The following PALLD variants were observed in gnomAD, a reference collection of about 807,000 sequenced individuals.
The protein encoded by PALLD is palladin, cytoskeletal associated protein.
A neutral mutation model predicts 123.5 loss-of-function variants in PALLD; 61 were observed. That is an observed-to-expected ratio of 0.49 (90% CI 0.40 to 0.61). The LOEUF is 0.61. PALLD is among the 20% of genes least tolerant of loss of function. The pLI, the probability that PALLD is intolerant of heterozygous loss-of-function variation, is 0.00. For missense variants in PALLD, 1,273 were observed against 1,377.0 expected (o/e 0.92, Z 1.20); for synonymous variants, 465 against 496.4 (o/e 0.94, Z 0.84).
At chr4:168,841,616 A>T (rs1470505549) in intron 10 of PALLD, among the ~76,000 whole-genome samples, 1 of 152,174 alleles carries the variant, frequency 6.6e-6, no homozygotes, top group Non-Finnish European at 1.5e-5. Context: ...TCTAGGTACC[A>T]CCTGACCGCT....
chr4:168,719,142 G>A (rs1416732020), intron 10 of PALLD, among the ~76,000 whole-genome samples: 2 of 150,968 alleles, frequency 1.3e-5, no homozygotes, highest in East Asian at 3.9e-4. Flanking sequence ...TCCCGACCTC[G>A]TGACCCACCC....
In PALLD at chr4:168,894,321, T is replaced by G. The variant is rs2047633; in HGVS notation, c.2101-258T>G. ...GACAAATCTTTTCTGTGTGGTTTCTTCCTTGTCGCTTATTGCTCACTTTAA... is the reference window on the plus strand; with the variant it reads ...GACAAATCTTTTCTGTGTGGTTTCTGCCTTGTCGCTTATTGCTCACTTTAA... On this transcript the variant is annotated intron_variant, in intron 11 of 21. Coordinates refer to ENST00000505667, the MANE Select transcript of PALLD (RefSeq NM_001166108.2). The G allele has an allele frequency of 0.87, 424,200 of 489,614 alleles. 184,423 individuals are homozygous for G. The highest frequency in any genetic ancestry group is 1 in the East Asian group (26,795 of 26,820). 30.3% of individuals were successfully genotyped at this position (489,614 alleles called of 1,614,324 possible).
chr4:168,705,365 T>C (rs1784127041), intron 8 of PALLD, among the ~76,000 whole-genome samples: 1 of 152,184 alleles, frequency 6.6e-6, no homozygotes, highest in Admixed American at 6.5e-5. Flanking sequence ...GCTTAACAAG[T>C]GGGTAGATGA....
intron 10 of PALLD, among the ~76,000 whole-genome samples, chr4:168,716,322 A>G (rs902837281): frequency 1.3e-5 from 2 of 152,186 alleles, no homozygotes; most frequent in African/African-American, 4.8e-5. Flanking sequence ...TTGTTACTCT[A>G]GTGCCAAAAA....
At chr4:168,678,564 G>A (rs1314266596) in intron 3 of PALLD, among the ~76,000 whole-genome samples, 2 of 152,088 alleles carry the variant, frequency 1.3e-5, no homozygotes, top group African/African-American at 2.4e-5. Flanking sequence ...TATGACTAAG[G>A]TACAGGCATG....
intron 15 of PALLD, chr4:168,904,245 G>A: frequency 1.1e-5 from 3 of 272,384 alleles, no homozygotes; most frequent in South Asian, 4.8e-5. Flanking sequence ...ACTTCAGGTA[G>A]GATTACATGA....
chr4:168,625,175 G>A (rs911100786), intron 2 of PALLD, among the ~76,000 whole-genome samples: 32 of 151,908 alleles, frequency 2.1e-4, no homozygotes, highest in Non-Finnish European at 4.4e-4. Context: ...AAAATTAAAA[G>A]CATTGATAAT....
chr4:168,827,106 T>A (rs1039019523), intron 10 of PALLD, among the ~76,000 whole-genome samples: 5 of 152,246 alleles, frequency 3.3e-5, no homozygotes, highest in Non-Finnish European at 7.3e-5. Context: ...TCCACTGGGT[T>A]CTAGTTATGT....
chr4:168,913,998 C>A lies in PALLD; in HGVS notation c.2694C>A (p.Pro898=). 1 of 1,608,430 alleles carries A rather than the reference C, an allele frequency of 6.2e-7. No individual in the cohort carries two copies. Among genetic ancestry groups the A allele is most frequent in the Non-Finnish European group, 8.5e-7 (1 of 1,174,876 alleles). Residue 898 remains proline, a synonymous_variant, in exon 16 of 22, where the codon CCC becomes CCA. Coordinates refer to ENST00000505667, the MANE Select transcript of PALLD (RefSeq NM_001166108.2). ...VNQRGRSPRS[P]SGHPHVRRPR... ...AAAGAGGTCGAAGTCCCCGGTCTCC[C>A]TCAGGCCATCCTCATGTCAGAAGGT...
At chr4:168,730,171 C>T (rs1787017751) in intron 10 of PALLD, among the ~76,000 whole-genome samples, 2 of 152,114 alleles carry the variant, frequency 1.3e-5, no homozygotes, top group Admixed American at 1.3e-4. Flanking sequence ...TAATAAAACT[C>T]CTAATTGATG....
intron 3 of PALLD, among the ~76,000 whole-genome samples, chr4:168,674,658 A>G (rs565322939): frequency 1.3e-5 from 2 of 152,318 alleles, no homozygotes; most frequent in South Asian, 2.1e-4. Context: ...GGATGTTGTC[A>G]GCGATTTTAG....
intron 10 of PALLD, among the ~76,000 whole-genome samples, chr4:168,791,536 A>C (rs1390921622): frequency 4.6e-5 from 7 of 152,298 alleles, no homozygotes; most frequent in African/African-American, 1.7e-4. Flanking sequence ...TAAAGCCATC[A>C]GATCTGGTGA....
In PALLD at chr4:168,631,958, C is replaced by G. The variant is rs890965133; in HGVS notation, c.909-36232C>G. 4.2e-6 allele frequency: 4 copies of G among 952,638 alleles called. No individual in the cohort carries two copies. The African/African-American group carries it at 7.1e-5, about 17-fold the overall frequency. The allele number at this position is 952,638 out of a possible 1,614,324, so 59.0% of individuals were successfully genotyped here. On this transcript the variant is annotated intron_variant, in intron 2 of 21. Coordinates refer to ENST00000505667, the MANE Select transcript of PALLD (RefSeq NM_001166108.2). ...GAGGAAATAAAGCTTTGCAGCCTTT[C>G]CAGGCAGTGGCATGCAAGTACTCGT...
intron 2 of PALLD, among the ~76,000 whole-genome samples, chr4:168,532,315 C>T (rs1293062116): frequency 6.6e-6 from 1 of 152,192 alleles, no homozygotes; most frequent in Non-Finnish European, 1.5e-5. Context: ...ATCTTCACTA[C>T]TTCAGAGGAA....
At position 168,695,343 on chromosome 4, in the gene PALLD, G is replaced by A. The variant is rs75744892; in HGVS notation, c.1501+4051G>A. 8.7e-4 allele frequency among the ~76,000 whole-genome samples: 132 copies of A among 152,298 alleles called. 4 individuals are homozygous for A. In the East Asian group the frequency reaches 0.024, roughly 27 times the overall value. On this transcript the variant is annotated intron_variant, in intron 8 of 21. Transcript: ENST00000505667. ...ATGCATGTTCTAGGTTAGGACGGTG[G>A]GTTGAACAAAAGTAGGCCATATGAA...
At position 168,796,864 on chromosome 4, in the gene PALLD, G is replaced by A. The variant is rs7680672; in HGVS notation, c.1964+84941G>A. On this transcript the variant is annotated intron_variant, in intron 10 of 21. Transcript: ENST00000505667. ...TTTTACCTTCCTTGTCTCCTAATTC[G>A]AGGTCATGTGAAGCTTAGCTAGAAG... Among the ~76,000 whole-genome samples, 772 of 152,160 alleles carry A rather than the reference G, an allele frequency of 5.1e-3. 11 individuals are homozygous for A. The highest frequency in any genetic ancestry group is 0.018 in the African/African-American group (738 of 41,488).
At chr4:168,883,445 T>C (rs1455959610) in intron 10 of PALLD, among the ~76,000 whole-genome samples, 1 of 152,184 alleles carries the variant, frequency 6.6e-6, no homozygotes, top group Non-Finnish European at 1.5e-5. Flanking sequence ...GTGAGAAGAG[T>C]AGAATAAGAG....
intron 17 of PALLD, 102 bp from the exon 18 acceptor site, chr4:168,921,432 C>T (rs1761493444): frequency 8.4e-6 from 6 of 713,842 alleles, no homozygotes; most frequent in South Asian, 5.1e-5. Flanking sequence ...AAAAAGCCAC[C>T]TCTTGTACTA....
intron 14 of PALLD, 45 bp downstream of exon 14, chr4:168,898,759 A>C (rs775164166): frequency 7.7e-7 from 1 of 1,299,994 alleles, no homozygotes; most frequent in Non-Finnish European, 1.1e-6. Flanking sequence ...TCTCTGAGGA[A>C]AGGTTTAGCT....
Sources: allele counts gnomAD v4.1 joint callset (sites outside exome capture counted in the v4.1 genomes callset), GRCh38; gene constraint gnomAD v4.1.1; transcripts MANE v1.5; gene names NCBI Gene and HGNC (gene_info 2026-07-23, HGNC 2026-07-21).